The following CRPPA variants were observed in gnomAD, a reference collection of about 807,000 sequenced individuals.
CRPPA encodes the protein CDP-L-ribitol pyrophosphorylase A.
In CRPPA, 43 loss-of-function variants were observed where a neutral mutation model predicts 52.0. That is an observed-to-expected ratio of 0.83 (90% CI 0.65 to 1.07). The LOEUF (loss-of-function observed/expected upper bound fraction) is 1.07, where lower values mean the gene tolerates loss of function less well. Ranked by LOEUF, CRPPA falls within the 50% of genes least tolerant of loss-of-function variation. CRPPA has a pLI of 0.00. For synonymous variants in CRPPA, 250 were observed against 203.5 expected, an observed-to-expected ratio of 1.23 and a Z score of -1.94; for missense variants, 629 against 551.7, an observed-to-expected ratio of 1.14 and a Z score of -1.40.
Position 16,317,187 on chromosome 7 carries a change from T to C in CRPPA, c.685-8560A>G, listed in dbSNP as rs368415001. 3.3e-5 allele frequency among the ~76,000 whole-genome samples: 5 copies of C among 152,268 alleles called. No homozygotes were observed. In the East Asian group the frequency reaches 9.7e-4, roughly 30 times the overall value. ...ATAGACTTGGGTTCCAACCATGGTG[T>C]TGCCATGTAACAAGTTGTCAGACTC... is the stretch of plus-strand genomic sequence containing the variant. On this transcript the variant is annotated intron_variant, in intron 3 of 9. Coordinates refer to ENST00000407010, the MANE Select transcript of CRPPA (RefSeq NM_001101426.4).
At chr7:16,198,743 C>A (rs566773213) in intron 9 of CRPPA, among the ~76,000 whole-genome samples, 1 of 149,098 alleles carries the variant, frequency 6.7e-6, no homozygotes, top group African/African-American at 2.5e-5. Context: ...TTTTAAGAAA[C>A]GGTTTCATCA....
In CRPPA at chr7:16,090,361, C is replaced by A. The variant is rs1002905459; in HGVS notation, c.*1334G>T. 1 of 151,922 alleles carries A rather than the reference C, an allele frequency of 6.6e-6. No individual in the cohort carries two copies. Among genetic ancestry groups the A allele is most frequent in the Admixed American group, 6.6e-5 (1 of 15,214 alleles). The allele number at this position is 151,922 out of a possible 1,614,324, so 9.4% of individuals were successfully genotyped here. ...CTTTAACTGAAAACACTTCATGCAA[C>A]TTTTATAGTTTCCACGTGCAGCCTA... On this transcript the variant is annotated 3_prime_UTR_variant, in exon 10 of 10. Transcript: ENST00000407010.
intron 2 of CRPPA, among the ~76,000 whole-genome samples, chr7:16,400,338 G>A (rs559442524): frequency 3.3e-5 from 5 of 152,268 alleles, no homozygotes; most frequent in South Asian, 2.1e-4. Flanking sequence ...TGATAGACAC[G>A]TGATTGACAT....
chr7:16,238,068 G>A (rs1782998610), intron 8 of CRPPA, among the ~76,000 whole-genome samples: 1 of 152,124 alleles, frequency 6.6e-6, no homozygotes, highest in African/African-American at 2.4e-5. Flanking sequence ...AGTCACTAAA[G>A]TACTTTCCTG....
chr7:16,337,553 G>A (rs1265492997), intron 3 of CRPPA, among the ~76,000 whole-genome samples: 1 of 151,850 alleles, frequency 6.6e-6, no homozygotes, highest in East Asian at 1.9e-4. Flanking sequence ...CCAGGCAGAA[G>A]TAACTGAAAT....
At chr7:16,397,088 GAC>G (rs941892783) in intron 2 of CRPPA, among the ~76,000 whole-genome samples, 3 of 152,206 alleles carry the variant, frequency 2.0e-5, no homozygotes, top group East Asian at 1.9e-4. Flanking sequence ...TGACATGGAA[GAC>G]ACACGTGTGA....
In CRPPA at chr7:16,278,042, T is replaced by C. The variant is rs3801431; in HGVS notation, c.933+87A>G. 0.12 allele frequency: 82,981 copies of C among 717,266 alleles called. 6,923 individuals carry two copies. The highest frequency in any genetic ancestry group is 0.35 in the African/African-American group (19,143 of 55,284). 44.4% of individuals were successfully genotyped at this position (717,266 alleles called of 1,614,324 possible). A position where few individuals can be genotyped will look rare whatever the true frequency, so the allele number is the denominator to read the frequency against. ...AAGAACATTATGATTAAGGGATTTTTATGGGTTTTTTTCCAAGAAAGATAT... is the reference window on the plus strand; with the variant it reads ...AAGAACATTATGATTAAGGGATTTTCATGGGTTTTTTTCCAAGAAAGATAT... On this transcript the variant is annotated intron_variant, in intron 6 of 9. Transcript: ENST00000407010.
intron 1 of CRPPA, among the ~76,000 whole-genome samples, chr7:16,415,718 T>C (rs189458515): frequency 6.6e-6 from 1 of 152,326 alleles, no homozygotes; most frequent in African/African-American, 2.4e-5. Flanking sequence ...GCCTAGCTCT[T>C]GAGTTTATTA....
intron 9 of CRPPA, among the ~76,000 whole-genome samples, chr7:16,182,888 C>CA (rs1781439480): frequency 6.6e-6 from 1 of 152,080 alleles, no homozygotes; most frequent in African/African-American, 2.4e-5. Context: ...GTTGAAGTAA[C>CA]AAAAATGCAA....
intron 4 of CRPPA, 87 bp from the exon 5 acceptor site, chr7:16,301,553 T>C (rs556434643): frequency 2.1e-6 from 2 of 940,936 alleles, no homozygotes; most frequent in African/African-American, 1.6e-5. Flanking sequence ...AAATTCTTGA[T>C]TTTTCAGAAG....
At chr7:16,276,178 A>G (rs566500754) in intron 6 of CRPPA, among the ~76,000 whole-genome samples, 3 of 152,232 alleles carry the variant, frequency 2.0e-5, no homozygotes, top group Non-Finnish European at 4.4e-5. Context: ...AGGAGAATGT[A>G]ATAGCTGTGG....
intron 6 of CRPPA, among the ~76,000 whole-genome samples, chr7:16,262,540 T>C (rs1783836878): frequency 6.6e-6 from 1 of 152,206 alleles, no homozygotes. Flanking sequence ...TCTCAGGTTT[T>C]ATCCAGGTTT....
At chr7:16,161,350 T>C (rs933445655) in intron 9 of CRPPA, among the ~76,000 whole-genome samples, 4 of 152,214 alleles carry the variant, frequency 2.6e-5, no homozygotes, top group Admixed American at 6.5e-5. Context: ...TATTTTGAGA[T>C]ATGTTCCACC....
At position 16,319,668 on chromosome 7, in the gene CRPPA, C is replaced by T. The variant is rs1033038938; in HGVS notation, c.685-11041G>A. On this transcript the variant is annotated intron_variant, in intron 3 of 9. Transcript: ENST00000407010. ...CAGTCTGGAAAAAAAAGCCAAGCCA[C>T]GAAGATAGCAGCTGGCTGAGTGGGA... Among the ~76,000 whole-genome samples the T allele has an allele frequency of 3.3e-5, 5 of 152,232 alleles. No homozygotes were observed. In the East Asian group the frequency reaches 5.8e-4, roughly 18 times the overall value.
intron 3 of CRPPA, among the ~76,000 whole-genome samples, chr7:16,311,618 C>A (rs1182629591): frequency 6.6e-6 from 1 of 152,042 alleles, no homozygotes; most frequent in African/African-American, 2.4e-5. Context: ...ATGACTAAAG[C>A]TGCTATAAAC....
intron 2 of CRPPA, among the ~76,000 whole-genome samples, chr7:16,398,431 G>A (rs529775323): frequency 3.3e-5 from 5 of 152,082 alleles, no homozygotes; most frequent in South Asian, 2.1e-4. Context: ...CATGATTGAC[G>A]TGACCGAGGT....
intron 3 of CRPPA, among the ~76,000 whole-genome samples, chr7:16,371,348 A>AT (rs1378890046): frequency 6.6e-6 from 1 of 152,098 alleles, no homozygotes; most frequent in Non-Finnish European, 1.5e-5. Context: ...TTCAAACCCC[A>AT]TAGGAGACAT....
chr7:16,182,808 G>T (rs1042349744), intron 9 of CRPPA, among the ~76,000 whole-genome samples: 24 of 151,934 alleles, frequency 1.6e-4, no homozygotes, highest in Non-Finnish European at 3.2e-4. Flanking sequence ...TTACCTTTTT[G>T]GATTTCTTTT....
At chr7:16,159,600 G>T (rs1005764721) in intron 9 of CRPPA, among the ~76,000 whole-genome samples, 2 of 152,130 alleles carry the variant, frequency 1.3e-5, no homozygotes, top group Non-Finnish European at 1.5e-5. Context: ...TCTTTATCCA[G>T]TCTATCATTG....
Sources: allele counts gnomAD v4.1 joint callset (sites outside exome capture counted in the v4.1 genomes callset), GRCh38; gene constraint gnomAD v4.1.1; transcripts MANE v1.5; gene names NCBI Gene and HGNC (gene_info 2026-07-23, HGNC 2026-07-21).